Variants in SUMF1 observed in about 807,000 individuals in gnomAD.
SUMF1 encodes the protein formylglycine-generating enzyme.
In SUMF1, 48 loss-of-function variants were observed where a neutral mutation model predicts 47.6. The ratio of observed to expected loss-of-function variants is 1.01; its 90% confidence interval spans 0.80 to 1.28. SUMF1 has a LOEUF of 1.28. Ranked by LOEUF, SUMF1 falls within the 50% of genes most tolerant of loss-of-function variation. The pLI, the probability that SUMF1 is intolerant of heterozygous loss-of-function variation, is 0.00. For synonymous variants in SUMF1, 230 were observed against 192.1 expected (o/e 1.20, Z -1.63); for missense variants, 571 against 485.4 (o/e 1.18, Z -1.66).
At chr3:4,437,737 G>A (rs776803015) in intron 3 of SUMF1, among the ~76,000 whole-genome samples, 1 of 152,088 alleles carries the variant, frequency 6.6e-6, no homozygotes, top group East Asian at 1.9e-4. Flanking sequence ...TCAGGAGTTC[G>A]AGATCAGCCT....
Position 4,255,595 on chromosome 3 carries a change from G to C in SUMF1, c.1014+120735C>G, listed in dbSNP as rs1227782654. 1.2e-4 allele frequency among the ~76,000 whole-genome samples: 12 copies of C among 101,964 alleles called. 2 individuals carry two copies. The highest frequency in any genetic ancestry group is 2.5e-4 in the Non-Finnish European group (12 of 48,736). 66.9% of individuals were successfully genotyped at this position (101,964 alleles called of 152,430 possible). A position where few individuals can be genotyped will look rare whatever the true frequency, so the allele number is the denominator to read the frequency against. ...CTAAATATATATGCACCCAACACAGGAGCACCCAGATTCATAAAGCAAGTC... is the reference window on the plus strand; with the variant it reads ...CTAAATATATATGCACCCAACACAGCAGCACCCAGATTCATAAAGCAAGTC... On this transcript the variant is annotated intron_variant and NMD_transcript_variant, in intron 8 of 12. Transcript: ENST00000448413.
At chr3:4,080,966 T>C (rs1692547174) in intron 8 of SUMF1, among the ~76,000 whole-genome samples, 1 of 152,122 alleles carries the variant, frequency 6.6e-6, no homozygotes, top group African/African-American at 2.4e-5. Context: ...TTTTCTTACC[T>C]CAGTTTGCTC....
chr3:4,326,627 C>A (rs758530488), intron 8 of SUMF1, among the ~76,000 whole-genome samples: 26 of 150,108 alleles, frequency 1.7e-4, no homozygotes, highest in Non-Finnish European at 2.8e-4. Flanking sequence ...AAGCAATACT[C>A]ATGCCTCAGC....
intron 8 of SUMF1, among the ~76,000 whole-genome samples, chr3:4,351,068 T>A (rs554188627): frequency 6.6e-6 from 1 of 152,136 alleles, no homozygotes; most frequent in African/African-American, 2.4e-5. Context: ...GGTACAAGGG[T>A]TGGCTCCACA....
Position 4,381,355 on chromosome 3 carries a change from G to T in SUMF1, c.955-4966C>A, listed in dbSNP as rs567249329. 2.0e-5 allele frequency among the ~76,000 whole-genome samples: 3 copies of T among 152,176 alleles called. No homozygotes were observed. In the East Asian group the frequency reaches 5.8e-4, roughly 29 times the overall value. The stretch of plus-strand genomic sequence containing the variant: ...CTCGGGGAAAGGGTGGGAAGGGGGT[G>T]ACGGATAAAAGGCTACAAATCGGGT... On this transcript the variant is annotated intron_variant, in intron 7 of 8. Transcript: ENST00000272902.
At chr3:4,270,895 C>T (rs1405655664) in intron 8 of SUMF1, among the ~76,000 whole-genome samples, 1 of 152,176 alleles carries the variant, frequency 6.6e-6, no homozygotes, top group Non-Finnish European at 1.5e-5. Context: ...GTTTTAGAGA[C>T]CACAAAGTGA....
At chr3:4,382,523 T>C (rs1206678771) in intron 7 of SUMF1, among the ~76,000 whole-genome samples, 3 of 152,148 alleles carry the variant, frequency 2.0e-5, no homozygotes, top group East Asian at 3.8e-4. Flanking sequence ...GATTCCTCAA[T>C]GATCTAGAAC....
chr3:4,034,842 G>C (rs1694763024), intron 9 of SUMF1, among the ~76,000 whole-genome samples: 1 of 151,998 alleles, frequency 6.6e-6, no homozygotes, highest in Non-Finnish European at 1.5e-5. Flanking sequence ...ATTCTAGCCA[G>C]GGCTCTCCCT....
At chr3:4,160,496 C>T (rs2262390) in intron 8 of SUMF1, among the ~76,000 whole-genome samples, 51,525 of 151,662 alleles carry the variant, frequency 0.34, 8,907 homozygotes, top group East Asian at 0.4. Context: ...CGCTTTGGTC[C>T]ATTCTCTTTT....
intron 8 of SUMF1, among the ~76,000 whole-genome samples, chr3:4,324,939 C>G (rs1201733720): frequency 2.0e-5 from 3 of 152,038 alleles, no homozygotes; most frequent in Non-Finnish European, 2.9e-5. Flanking sequence ...AATGGACTCA[C>G]AATTTCACTT....
Position 4,280,756 on chromosome 3 carries a change from G to T in SUMF1, c.1014+95574C>A, listed in dbSNP as rs543828185. ...GAGCCTGTTCCAGGCCTCCCTCCTAGTGTCTGGTAGTTCCTTGGATTATGG... is the reference window on the plus strand; with the variant it reads ...GAGCCTGTTCCAGGCCTCCCTCCTATTGTCTGGTAGTTCCTTGGATTATGG... On this transcript the variant is annotated intron_variant and NMD_transcript_variant, in intron 8 of 12. Coordinates refer to the SUMF1 transcript ENST00000448413. Among the ~76,000 whole-genome samples, 94 of 151,774 alleles carry T rather than the reference G, an allele frequency of 6.2e-4. No individual in the cohort carries two copies. In the South Asian group the frequency reaches 0.019, roughly 30 times the overall value.
intron 8 of SUMF1, among the ~76,000 whole-genome samples, chr3:4,247,222 C>T (rs1038187420): frequency 6.6e-6 from 1 of 152,166 alleles, no homozygotes; most frequent in Admixed American, 6.5e-5. Context: ...ATTCACTATG[C>T]AACTTCCATT....
chr3:4,306,047 G>T (rs1293852433), intron 8 of SUMF1, among the ~76,000 whole-genome samples: 1 of 151,614 alleles, frequency 6.6e-6, no homozygotes, highest in Non-Finnish European at 1.5e-5. Context: ...ATGCAAGGTG[G>T]TGGGTTGGGC....
intron 8 of SUMF1, among the ~76,000 whole-genome samples, chr3:4,151,072 C>T (rs1412397040): frequency 2.0e-5 from 3 of 151,300 alleles, no homozygotes; most frequent in Non-Finnish European, 4.4e-5. Flanking sequence ...GTGGGGGCCT[C>T]ATCTTTTAGA....
intron 7 of SUMF1, among the ~76,000 whole-genome samples, chr3:4,404,597 A>G (rs1400834236): frequency 6.6e-6 from 1 of 152,148 alleles, no homozygotes; most frequent in Non-Finnish European, 1.5e-5. Flanking sequence ...GTCTCGACTG[A>G]AAATACAAAA....
chr3:4,295,346 G>T (rs777204679), intron 8 of SUMF1, among the ~76,000 whole-genome samples: 16 of 151,994 alleles, frequency 1.1e-4, no homozygotes, highest in Non-Finnish European at 1.9e-4. Context: ...GATACTTGTA[G>T]ATCTGGGCTT....
In SUMF1 at chr3:4,361,775, T is replaced by C. The variant is rs1373711939; in HGVS notation, c.*369A>G. On this transcript the variant is annotated 3_prime_UTR_variant, in exon 9 of 9. Transcript: ENST00000272902. Reference sequence around the variant, plus strand: ...TCATGCTGTCCATCCCTTCATTTGATAGGGGAGGGCACTTGAGGCCCAGGA... The same window carrying C: ...TCATGCTGTCCATCCCTTCATTTGACAGGGGAGGGCACTTGAGGCCCAGGA... The C allele has an allele frequency of 3.5e-6, 1 of 285,146 alleles. No individual in the cohort carries two copies. The allele number at this position is 285,146 out of a possible 1,614,324, so 17.7% of individuals were successfully genotyped here. A position where few individuals can be genotyped will look rare whatever the true frequency, so the allele number is the denominator to read the frequency against.
At chr3:4,316,624 C>G in intron 8 of SUMF1, 1 of 1,551,234 alleles carries the variant, frequency 6.4e-7, no homozygotes, top group South Asian at 1.2e-5. Flanking sequence ...GTGTCATCTT[C>G]TCTTATTCTA....
chr3:4,233,803 A>G (rs28569172), intron 8 of SUMF1, among the ~76,000 whole-genome samples: 2 of 152,134 alleles, frequency 1.3e-5, no homozygotes, highest in African/African-American at 4.8e-5. Context: ...TTCAGAAAAA[A>G]GGGTATGTGG....
Sources: gnomAD v4.1 joint callset for allele counts (sites outside exome capture counted in the v4.1 genomes callset) on GRCh38, gnomAD v4.1.1 for gene constraint, MANE v1.5 for transcripts, NCBI Gene and HGNC (gene_info 2026-07-23, HGNC 2026-07-21) for gene names.